The following SHANK2 variants were observed in gnomAD, a reference collection of about 807,000 sequenced individuals.
SHANK2 encodes the protein SH3 and multiple ankyrin repeat domains 2, also known as SH3 and multiple ankyrin repeat domains protein 2.
A neutral mutation model predicts 133.7 loss-of-function variants in SHANK2; 43 were observed. The ratio of observed to expected loss-of-function variants is 0.32; its 90% CI spans 0.25 to 0.41. The LOEUF is 0.41. Ranked by LOEUF, SHANK2 falls within the 10% of genes least tolerant of loss-of-function variation. SHANK2 has a pLI of 1.00. For synonymous variants in SHANK2, 1,017 were observed against 952.8 expected (o/e 1.07, Z -1.24); for missense variants, 1,994 against 2,235.8 (o/e 0.89, Z 2.18).
At chr11:70,574,254 A>G (rs10751249) in intron 17 of SHANK2, among the ~76,000 whole-genome samples, 117,157 of 152,186 alleles carry the variant, frequency 0.77, 45,426 homozygotes, top group East Asian at 0.95. Context: ...AAGCCAGCCC[A>G]TGCTTGTTTG....
chr11:70,571,098 C>T (rs1554982956), intron 17 of SHANK2, among the ~76,000 whole-genome samples: 1 of 152,120 alleles, frequency 6.6e-6, no homozygotes, highest in Non-Finnish European at 1.5e-5. Flanking sequence ...CCCTGGCTTC[C>T]CCCAAGGCCT....
intron 12 of SHANK2, among the ~76,000 whole-genome samples, chr11:70,815,500 G>A (rs140670872): frequency 2.9e-4 from 44 of 152,202 alleles, no homozygotes; most frequent in East Asian, 2.1e-3. Context: ...TCCACAGATC[G>A]GCCCCCTCAC....
chr11:70,800,222 C>A (rs1461946914), intron 13 of SHANK2, among the ~76,000 whole-genome samples: 5 of 152,108 alleles, frequency 3.3e-5, no homozygotes, highest in African/African-American at 4.8e-5. Context: ...GACAGGGTCT[C>A]ACTATGTTGC....
intron 15 of SHANK2, among the ~76,000 whole-genome samples, chr11:70,672,560 C>T (rs112537644): frequency 6.6e-6 from 1 of 152,256 alleles, no homozygotes; most frequent in Non-Finnish European, 1.5e-5. Context: ...TGCTCCAGGT[C>T]TCCCCGAGCC....
chr11:70,550,733 C>A (rs1434843725), intron 17 of SHANK2, among the ~76,000 whole-genome samples: 1 of 152,192 alleles, frequency 6.6e-6, no homozygotes, highest in Non-Finnish European at 1.5e-5. Flanking sequence ...GTAGGCTCAG[C>A]GCCCAAACCT....
intron 11 of SHANK2, among the ~76,000 whole-genome samples, chr11:70,839,638 G>C (rs1454428487): frequency 2.6e-5 from 4 of 152,164 alleles, no homozygotes; most frequent in Non-Finnish European, 5.9e-5. Flanking sequence ...TCCAACTTTT[G>C]TAAGGTTTGA....
chr11:71,072,748 A>G (rs992294183), intron 9 of SHANK2, among the ~76,000 whole-genome samples: 1 of 152,208 alleles, frequency 6.6e-6, no homozygotes, highest in Non-Finnish European at 1.5e-5. Flanking sequence ...CACAGCCTAC[A>G]GCGTGGACAA....
chr11:70,860,546 G>C (rs1419107590), intron 11 of SHANK2, among the ~76,000 whole-genome samples: 1 of 152,210 alleles, frequency 6.6e-6, no homozygotes, highest in African/African-American at 2.4e-5. Context: ...GAGGTCCCCA[G>C]GGACTGGGAC....
intron 17 of SHANK2, among the ~76,000 whole-genome samples, chr11:70,622,273 T>G (rs1264573242): frequency 6.6e-6 from 1 of 152,106 alleles, no homozygotes; most frequent in African/African-American, 2.4e-5. Flanking sequence ...GCCCCACAGC[T>G]GCCCGGCAGT....
chr11:70,503,419 C>T (rs2059089728), intron 17 of SHANK2, among the ~76,000 whole-genome samples: 1 of 152,232 alleles, frequency 6.6e-6, no homozygotes, highest in Non-Finnish European at 1.5e-5. Context: ...ATGCACATCA[C>T]ACTGAAGCAG....
intron 14 of SHANK2, among the ~76,000 whole-genome samples, chr11:70,791,594 C>T (rs1947787079): frequency 1.3e-5 from 2 of 152,216 alleles, no homozygotes. Flanking sequence ...AAGAAGTCTA[C>T]TCAGAGCTAG....
chr11:70,625,978 C>T (rs782331714), intron 17 of SHANK2, among the ~76,000 whole-genome samples: 1 of 152,148 alleles, frequency 6.6e-6, no homozygotes, highest in Non-Finnish European at 1.5e-5. Context: ...GCCCCTCCCG[C>T]TCGGAGGGCT....
intron 10 of SHANK2, chr11:70,911,164 C>T (rs137981115): frequency 2.2e-6 from 1 of 456,686 alleles, no homozygotes; most frequent in Non-Finnish European, 4.4e-6. Flanking sequence ...AAAGTACATG[C>T]CACGAAACAC....
rs902720169 is a variant in SHANK2 at position 70,648,615 on chromosome 11, C to A, written c.2061+11213G>T. ...CCAGGGGTACAATTCCCCCTGTAAA[C>A]CCCTCAGGATTCCAGTGGGCCTGGG... On this transcript the variant is annotated intron_variant, in intron 17 of 25. Transcript: ENST00000601538. 2.5e-4 allele frequency among the ~76,000 whole-genome samples: 38 copies of A among 152,210 alleles called. 1 individual carries two copies. Among genetic ancestry groups the A allele is most frequent in the African/African-American group, 8.9e-4 (37 of 41,448 alleles).
intron 14 of SHANK2, among the ~76,000 whole-genome samples, chr11:70,730,829 T>A (rs1356136049): frequency 0.053 from 1,725 of 32,378 alleles, 19 homozygotes; most frequent in South Asian, 0.24. Flanking sequence ...TTTATTTCTT[T>A]TTTTTTTTTT....
At chr11:70,880,741 C>T (rs1242110905) in intron 11 of SHANK2, among the ~76,000 whole-genome samples, 1 of 152,240 alleles carries the variant, frequency 6.6e-6, no homozygotes, top group Non-Finnish European at 1.5e-5. Context: ...ACCTCTGCCC[C>T]ACTGACGCAT....
At chr11:70,522,866 G>T (rs1189114768) in intron 17 of SHANK2, among the ~76,000 whole-genome samples, 4 of 152,134 alleles carry the variant, frequency 2.6e-5, no homozygotes, top group Non-Finnish European at 5.9e-5. Flanking sequence ...AGGCATTTGG[G>T]CCCCTAAATG....
intron 17 of SHANK2, among the ~76,000 whole-genome samples, chr11:70,559,458 C>G (rs1554980369): frequency 6.6e-6 from 1 of 152,168 alleles, no homozygotes; most frequent in African/African-American, 2.4e-5. Flanking sequence ...CTGCTCCTGG[C>G]TTTTTTCACC....
intron 2 of SHANK2, among the ~76,000 whole-genome samples, chr11:71,195,939 T>C (rs1444521078): frequency 1.3e-5 from 2 of 152,118 alleles, no homozygotes; most frequent in South Asian, 2.1e-4. Context: ...CCCAGCACTT[T>C]GGGAGGGTGA....
Sources: allele counts gnomAD v4.1 joint callset (sites outside exome capture counted in the v4.1 genomes callset), GRCh38; gene constraint gnomAD v4.1.1; transcripts MANE v1.5; gene names NCBI Gene and HGNC (gene_info 2026-07-23, HGNC 2026-07-21).